Variants in DAB1 observed in about 807,000 individuals in gnomAD.
DAB1 encodes disabled homolog 1.
In DAB1, 15 loss-of-function variants were observed where a neutral mutation model predicts 64.6. The observed-to-expected ratio is 0.23, with a 90% CI of 0.16 to 0.36. DAB1 has a LOEUF of 0.36. DAB1 is among the 10% of genes least tolerant of loss of function. The pLI, the probability that DAB1 is intolerant of heterozygous loss-of-function variation, is 1.00. For synonymous variants in DAB1, 235 were observed against 251.9 expected, an observed-to-expected ratio of 0.93 and a Z score of 0.64; for missense variants, 596 against 706.7, an observed-to-expected ratio of 0.84 and a Z score of 1.78.
At chr1:58,049,859 T>C (rs892498043) in intron 5 of DAB1, among the ~76,000 whole-genome samples, 1 of 151,930 alleles carries the variant, frequency 6.6e-6, no homozygotes, top group South Asian at 2.1e-4. Flanking sequence ...CAAAATAGAA[T>C]CCACCTCTCC....
chr1:57,353,532 G>A (rs11588755), intron 1 of DAB1, among the ~76,000 whole-genome samples: 75,766 of 151,804 alleles, frequency 0.5, 19,599 homozygotes, highest in African/African-American at 0.55. Flanking sequence ...TGCTTGCCAT[G>A]GCTTCGATTT....
At chr1:57,923,040 A>G (rs1465455382) in intron 5 of DAB1, among the ~76,000 whole-genome samples, 1 of 150,780 alleles carries the variant, frequency 6.6e-6, no homozygotes, top group East Asian at 2.0e-4. Flanking sequence ...GAAAGGGGGA[A>G]GACAATTTAG....
chr1:57,959,323 G>A (rs984584614), intron 5 of DAB1, among the ~76,000 whole-genome samples: 2 of 152,180 alleles, frequency 1.3e-5, no homozygotes, highest in Non-Finnish European at 2.9e-5. Flanking sequence ...AATGGTAGCT[G>A]TGTATGTATT....
intron 14 of DAB1, among the ~76,000 whole-genome samples, chr1:56,999,869 GT>G (rs1645778967): frequency 6.6e-6 from 1 of 152,102 alleles, no homozygotes; most frequent in East Asian, 1.9e-4. Context: ...CTATTATGCA[GT>G]GTAACAAAGT....
At chr1:57,690,501 C>A (rs1570740948) in intron 6 of DAB1, among the ~76,000 whole-genome samples, 1 of 152,168 alleles carries the variant, frequency 6.6e-6, no homozygotes, top group Admixed American at 6.6e-5. Context: ...TTTCCCTTCA[C>A]CTTTTGCCAT....
intron 4 of DAB1, among the ~76,000 whole-genome samples, chr1:58,321,018 C>A (rs145181495): frequency 5.3e-5 from 8 of 152,336 alleles, no homozygotes; most frequent in African/African-American, 1.9e-4. Flanking sequence ...CAGCTCTGCC[C>A]AGGTGACTTA....
intron 5 of DAB1, among the ~76,000 whole-genome samples, chr1:57,972,970 A>G (rs76631469): frequency 0.02 from 3,079 of 152,316 alleles, 120 homozygotes; most frequent in African/African-American, 0.07. Flanking sequence ...ACACTCCAAT[A>G]TGCACAAGTC....
intron 4 of DAB1, among the ~76,000 whole-genome samples, chr1:57,108,055 T>C (rs1557734438): frequency 6.6e-6 from 1 of 152,164 alleles, no homozygotes; most frequent in Non-Finnish European, 1.5e-5. Context: ...AGTGTCAGCT[T>C]TGGTTATGTC....
intron 4 of DAB1, among the ~76,000 whole-genome samples, chr1:58,249,450 C>G (rs946718887): frequency 1.3e-5 from 2 of 151,792 alleles, no homozygotes; most frequent in Admixed American, 6.6e-5. Context: ...TCTCATTTTT[C>G]AAAGCAGCAT....
At chr1:57,683,123 T>C (rs1646655727) in intron 6 of DAB1, among the ~76,000 whole-genome samples, 1 of 152,170 alleles carries the variant, frequency 6.6e-6, no homozygotes, top group Non-Finnish European at 1.5e-5. Context: ...CCAAGATCTG[T>C]GGCCCGCATT....
intron 5 of DAB1, among the ~76,000 whole-genome samples, chr1:58,067,659 A>T (rs180872842): frequency 1.3e-3 from 191 of 152,358 alleles, no homozygotes; most frequent in Admixed American, 3.5e-3. Context: ...GGAACATTTT[A>T]AAAAAGTACA....
intron 6 of DAB1, among the ~76,000 whole-genome samples, chr1:57,650,590 G>A (rs949527159): frequency 2.6e-5 from 4 of 152,044 alleles, no homozygotes; most frequent in East Asian, 1.9e-4. Flanking sequence ...GCTCATCCAC[G>A]GGTTGGTCCT....
intron 4 of DAB1, among the ~76,000 whole-genome samples, chr1:58,180,054 G>T (rs975573635): frequency 1.3e-5 from 2 of 151,870 alleles, no homozygotes; most frequent in Non-Finnish European, 2.9e-5. Flanking sequence ...AAAGTATATA[G>T]GTGGTTATAT....
At chr1:57,326,131 T>C (rs952995047) in intron 1 of DAB1, among the ~76,000 whole-genome samples, 2 of 152,218 alleles carry the variant, frequency 1.3e-5, no homozygotes, top group African/African-American at 4.8e-5. Flanking sequence ...CAATGAAATA[T>C]TTGGGGATAC....
At chr1:57,344,840 T>C (rs1338223467) in intron 1 of DAB1, among the ~76,000 whole-genome samples, 1 of 152,060 alleles carries the variant, frequency 6.6e-6, no homozygotes, top group Non-Finnish European at 1.5e-5. Context: ...CATTTCATCA[T>C]CTGTAAAATG....
intron 2 of DAB1, among the ~76,000 whole-genome samples, chr1:57,157,224 G>C (rs78423916): frequency 6.6e-6 from 1 of 151,664 alleles, no homozygotes; most frequent in Non-Finnish European, 1.5e-5. Context: ...TTCCTAATGT[G>C]GTCATTCTGG....
chr1:57,683,396 C>A (rs1460961561), intron 6 of DAB1, among the ~76,000 whole-genome samples: 2 of 152,150 alleles, frequency 1.3e-5, no homozygotes, highest in African/African-American at 2.4e-5. Flanking sequence ...TCTCTCCCCA[C>A]CCTCCACCAC....
chr1:57,857,285 T>A (rs997916951), intron 1 of DAB1, among the ~76,000 whole-genome samples: 1 of 152,340 alleles, frequency 6.6e-6, no homozygotes, highest in East Asian at 1.9e-4. Context: ...ATTTTTAATA[T>A]GGCAAAAGAA....
At chr1:58,075,167 A>T (rs1194276623) in intron 5 of DAB1, among the ~76,000 whole-genome samples, 1 of 152,208 alleles carries the variant, frequency 6.6e-6, no homozygotes, top group Non-Finnish European at 1.5e-5. Flanking sequence ...TTTTCTGTTC[A>T]TCTCTGTTCT....
Sources: gnomAD v4.1 joint callset for allele counts (sites outside exome capture counted in the v4.1 genomes callset) on GRCh38, gnomAD v4.1.1 for gene constraint, MANE v1.5 for transcripts, NCBI Gene and HGNC (gene_info 2026-07-23, HGNC 2026-07-21) for gene names.